DTNB: variants seen among roughly 807,000 people sequenced by gnomAD.
DTNB encodes the protein dystrobrevin beta.
A neutral mutation model predicts 90.7 loss-of-function variants in DTNB; 63 were observed. The observed-to-expected ratio is 0.69, with a 90% CI of 0.57 to 0.86. The LOEUF is 0.86. Among genes scored for constraint, DTNB ranks in the 40% least tolerant of loss-of-function variants. The pLI is 0.00. For missense variants in DTNB, 744 were observed against 807.1 expected (o/e 0.92, Z 0.95); for synonymous variants, 277 against 286.7 (o/e 0.97, Z 0.34).
intron 9 of DTNB, among the ~76,000 whole-genome samples, chr2:25,489,191 A>G (rs1018828693): frequency 3.9e-5 from 6 of 152,214 alleles, no homozygotes; most frequent in African/African-American, 1.4e-4. Flanking sequence ...TAGAAATTAA[A>G]ATTCCTACAA....
At chr2:25,479,996 C>T (rs940847920) in intron 10 of DTNB, among the ~76,000 whole-genome samples, 3 of 152,104 alleles carry the variant, frequency 2.0e-5, no homozygotes, top group African/African-American at 7.2e-5. Context: ...GGTCTGTCCA[C>T]ATTCAGAGGA....
At chr2:25,635,689 TA>T (rs990060264) in intron 3 of DTNB, among the ~76,000 whole-genome samples, 207 of 151,764 alleles carry the variant, frequency 1.4e-3, no homozygotes, top group African/African-American at 4.8e-3. Context: ...AAGAAATGAA[TA>T]AAAAAAACAC....
At chr2:25,396,634 C>A (rs934412456) in intron 16 of DTNB, among the ~76,000 whole-genome samples, 3 of 149,946 alleles carry the variant, frequency 2.0e-5, no homozygotes, top group African/African-American at 7.4e-5. Flanking sequence ...GACGGGGGCA[C>A]CAAAACCTCA....
At chr2:25,455,640 C>T in intron 10 of DTNB, 146 bp from the exon 11 acceptor site, 4 of 662,714 alleles carry the variant, frequency 6.0e-6, no homozygotes, top group Non-Finnish European at 1.0e-5. Context: ...ACCCACAATG[C>T]ATAATGGAAT....
intron 8 of DTNB, among the ~76,000 whole-genome samples, chr2:25,547,784 G>C (rs1228299187): frequency 1.3e-5 from 2 of 152,146 alleles, no homozygotes; most frequent in African/African-American, 4.8e-5. Flanking sequence ...TGAAATAGTC[G>C]AGGCTTGATG....
chr2:25,388,357 T>G lies in DTNB; in HGVS notation c.1580A>C (p.Gln527Pro). The change falls in exon 17 of 21, where the codon CAG (glutamine) becomes CCG (proline). Residue 527 changes from glutamine (Q) to proline (P), a missense_variant. By Grantham distance (76) the Gln-to-Pro change is moderately conservative. Transcript: ENST00000406818. The stretch of plus-strand genomic sequence containing the variant: ...CGATGTATGTGGTGACCCTGTGGCC[T>G]GAGCCTGGAGATTCAAAGACAGAAA... ...LKEEEQKQAA[Q>P]ATGSPHTSPT... The G allele has an allele frequency of 1.2e-6, 2 of 1,600,676 alleles. No individual in the cohort carries two copies. The highest frequency in any genetic ancestry group is 1.7e-6 in the Non-Finnish European group (2 of 1,171,166).
chr2:25,456,799 C>T (rs1309260121), intron 10 of DTNB, among the ~76,000 whole-genome samples: 1 of 151,908 alleles, frequency 6.6e-6, no homozygotes, highest in Non-Finnish European at 1.5e-5. Flanking sequence ...AACTCCTGAC[C>T]TCAAGTGATC....
intron 2 of DTNB, among the ~76,000 whole-genome samples, chr2:25,644,731 C>T (rs756484098): frequency 1.3e-5 from 2 of 152,104 alleles, no homozygotes; most frequent in Non-Finnish European, 2.9e-5. Context: ...TGCACTCCAG[C>T]CTGGGTGACA....
At chr2:25,600,975 C>A (rs2065759980) in intron 5 of DTNB, among the ~76,000 whole-genome samples, 1 of 152,094 alleles carries the variant, frequency 6.6e-6, no homozygotes, top group South Asian at 2.1e-4. Context: ...TACTGCTAGA[C>A]CCCAAAACTG....
chr2:25,447,733 T>G (rs914573638), intron 12 of DTNB, among the ~76,000 whole-genome samples: 2 of 152,058 alleles, frequency 1.3e-5, no homozygotes, highest in African/African-American at 4.8e-5. Flanking sequence ...GGTCTTGAAC[T>G]CCTTACCTCA....
intron 16 of DTNB, among the ~76,000 whole-genome samples, chr2:25,395,530 A>G (rs2042162091): frequency 6.7e-6 from 1 of 149,570 alleles, no homozygotes; most frequent in Non-Finnish European, 1.5e-5. Context: ...AAATATATAA[A>G]TCACAATATA....
At chr2:25,560,141 C>T (rs992042672) in intron 8 of DTNB, among the ~76,000 whole-genome samples, 6 of 152,202 alleles carry the variant, frequency 3.9e-5, no homozygotes, top group Admixed American at 1.3e-4. Flanking sequence ...CCCAGCTACT[C>T]GGGAGGCTGA....
At chr2:25,456,936 T>A (rs2060130177) in intron 10 of DTNB, among the ~76,000 whole-genome samples, 1 of 152,204 alleles carries the variant, frequency 6.6e-6, no homozygotes, top group South Asian at 2.1e-4. Flanking sequence ...TAGGCTCTTG[T>A]GTTCTTTTGA....
chr2:25,540,377 G>A (rs1022103494), intron 8 of DTNB, among the ~76,000 whole-genome samples: 1 of 152,006 alleles, frequency 6.6e-6, no homozygotes, highest in African/African-American at 2.4e-5. Context: ...CTTATTCCTA[G>A]TTATTTTATA....
At chr2:25,645,978 A>G (rs1245756064) in intron 2 of DTNB, among the ~76,000 whole-genome samples, 1 of 152,198 alleles carries the variant, frequency 6.6e-6, no homozygotes, top group Non-Finnish European at 1.5e-5. Flanking sequence ...AAGAAAGGAC[A>G]AAATTGAAGC....
chr2:25,455,557 C>T, intron 10 of DTNB, 63 bp from the exon 11 acceptor site: 1 of 1,393,600 alleles, frequency 7.2e-7, no homozygotes, highest in South Asian at 1.3e-5. Context: ...GAGAAATGAA[C>T]ATGGATTAAA....
intron 8 of DTNB, among the ~76,000 whole-genome samples, chr2:25,566,385 G>A (rs998131632): frequency 1.3e-5 from 2 of 152,188 alleles, no homozygotes; most frequent in Admixed American, 1.3e-4. Flanking sequence ...TCAGCTCAGT[G>A]ACACCTGGAG....
chr2:25,454,907 G>A (rs147953909), intron 11 of DTNB, among the ~76,000 whole-genome samples: 5 of 152,220 alleles, frequency 3.3e-5, no homozygotes, highest in East Asian at 1.9e-4. Flanking sequence ...GGGAATCACC[G>A]GTTTAAATAA....
At chr2:25,463,467 G>A (rs887848993) in intron 10 of DTNB, among the ~76,000 whole-genome samples, 25 of 152,136 alleles carry the variant, frequency 1.6e-4, no homozygotes, top group African/African-American at 5.6e-4. Flanking sequence ...GATTCTCCAC[G>A]CTGCAATGAG....
Sources: gnomAD v4.1 joint callset for allele counts (sites outside exome capture counted in the v4.1 genomes callset) on GRCh38, gnomAD v4.1.1 for gene constraint, MANE v1.5 for transcripts, NCBI Gene and HGNC (gene_info 2026-07-23, HGNC 2026-07-21) for gene names.